The following FHIT variants were observed in gnomAD, a reference collection of about 807,000 sequenced individuals.
FHIT encodes bis(5'-adenosyl)-triphosphatase.
A neutral mutation model predicts 17.9 loss-of-function variants in FHIT; 19 were observed. That is an observed-to-expected ratio of 1.06 (90% CI 0.74 to 1.56). FHIT has a LOEUF of 1.56. Among genes scored for constraint, FHIT ranks in the 40% most tolerant of loss-of-function variants. The pLI is 0.00. For missense variants in FHIT, 248 were observed against 189.2 expected (o/e 1.31, Z -1.82); for synonymous variants, 81 against 69.7 (o/e 1.16, Z -0.81).
chr3:60,644,055 G>A lies in FHIT; in HGVS notation c.-17-107076C>T, dbSNP rs868982098. Among the ~76,000 whole-genome samples the A allele has an allele frequency of 2.0e-5, 3 of 152,162 alleles. No individual in the cohort carries two copies. In the South Asian group the frequency reaches 6.2e-4, roughly 32 times the overall value. On this transcript the variant is annotated intron_variant, in intron 4 of 9. Transcript: ENST00000492590. ...GAAATCCCATGGCTGGTAGAGCTTG[G>A]CAAAGGGAAATGTGTTTCCCTCACA...
chr3:60,567,266 A>T (rs1401886704), intron 4 of FHIT, among the ~76,000 whole-genome samples: 10 of 152,270 alleles, frequency 6.6e-5, no homozygotes, highest in African/African-American at 2.4e-4. Flanking sequence ...ACAGAGATAT[A>T]GATCAATGGA....
At chr3:60,272,875 G>T (rs1253904815) in intron 5 of FHIT, among the ~76,000 whole-genome samples, 1 of 152,172 alleles carries the variant, frequency 6.6e-6, no homozygotes, top group African/African-American at 2.4e-5. Flanking sequence ...ACTAACAAAA[G>T]CAAGTGACTG....
chr3:60,842,645 A>ATTTTTTT (rs1170383044), intron 3 of FHIT, among the ~76,000 whole-genome samples: 19 of 94,588 alleles, frequency 2.0e-4, no homozygotes, highest in Middle Eastern at 6.6e-3. Context: ...ATATATATAT[A>ATTTTTTT]TTTTTTTTTT....
intron 2 of FHIT, among the ~76,000 whole-genome samples, chr3:61,101,353 CAA>C (rs1267939860): frequency 6.6e-6 from 1 of 152,100 alleles, no homozygotes; most frequent in Non-Finnish European, 1.5e-5. Context: ...TCAGGTGTGT[CAA>C]AGATCAGATG....
chr3:60,727,034 G>A (rs1553709761), intron 4 of FHIT, among the ~76,000 whole-genome samples: 1 of 152,022 alleles, frequency 6.6e-6, no homozygotes, highest in African/African-American at 2.4e-5. Flanking sequence ...TCCCAATACA[G>A]AAACATCACT....
At position 60,300,985 on chromosome 3, in the gene FHIT, T is replaced by C. The variant is rs559762256; in HGVS notation, c.103+235875A>G. ...TCCAAACTCATCTCTAAAAAGCAGC[T>C]AGATCATCTTTCAAGCACCCAAAGC... is the stretch of plus-strand genomic sequence containing the variant. On this transcript the variant is annotated intron_variant, in intron 5 of 9. Transcript: ENST00000492590. 3.5e-4 allele frequency among the ~76,000 whole-genome samples: 54 copies of C among 152,134 alleles called. No individual in the cohort carries two copies. In the South Asian group the frequency reaches 5.0e-3, roughly 14 times the overall value.
rs373724284 is a variant in FHIT, at chr3:61,245,645, C to A, written c.-213+5656G>T. 1.2e-4 allele frequency among the ~76,000 whole-genome samples: 19 copies of A among 152,322 alleles called. No homozygotes were observed. The South Asian group carries it at 3.9e-3, about 32-fold the overall frequency. On this transcript the variant is annotated intron_variant, in intron 1 of 9. Transcript: ENST00000492590. ...GCTTATCCCACATCAACTATTACCT[C>A]AGATAAATTCATTATCCATAATGCA...
chr3:60,908,876 G>C (rs782677600), intron 3 of FHIT, among the ~76,000 whole-genome samples: 13 of 152,040 alleles, frequency 8.6e-5, no homozygotes, highest in Non-Finnish European at 1.3e-4. Flanking sequence ...ACATATGAAG[G>C]GTACTTTGTG....
chr3:61,116,346 A>T (rs1337538220), intron 2 of FHIT, among the ~76,000 whole-genome samples: 1 of 152,184 alleles, frequency 6.6e-6, no homozygotes, highest in Non-Finnish European at 1.5e-5. Flanking sequence ...AGCAAAAATG[A>T]TGTGCCACAA....
At chr3:60,425,606 T>C (rs1339866698) in intron 5 of FHIT, among the ~76,000 whole-genome samples, 1 of 152,134 alleles carries the variant, frequency 6.6e-6, no homozygotes, top group Non-Finnish European at 1.5e-5. Context: ...TTTTTCCTTA[T>C]AGAAAATAGT....
At chr3:60,458,680 C>A (rs1395200634) in intron 5 of FHIT, among the ~76,000 whole-genome samples, 16 of 152,138 alleles carry the variant, frequency 1.1e-4, no homozygotes, top group African/African-American at 3.9e-4. Flanking sequence ...GCTTTCTCAA[C>A]ACACCTTGAC....
chr3:61,190,654 C>T (rs1267842881), intron 2 of FHIT, among the ~76,000 whole-genome samples: 8 of 152,232 alleles, frequency 5.3e-5, no homozygotes, highest in South Asian at 4.2e-4. Context: ...TGGCACTATT[C>T]ACAATAGCAA....
chr3:60,813,703 A>T (rs1553736724), intron 4 of FHIT, among the ~76,000 whole-genome samples: 1 of 152,152 alleles, frequency 6.6e-6, no homozygotes, highest in East Asian at 1.9e-4. Context: ...GCGTCTTTTG[A>T]CTCATGATTG....
At chr3:61,060,381 T>C (rs1361807402) in intron 2 of FHIT, among the ~76,000 whole-genome samples, 1 of 152,184 alleles carries the variant, frequency 6.6e-6, no homozygotes, top group Non-Finnish European at 1.5e-5. Flanking sequence ...TACTTTACTA[T>C]AGCTGAACAG....
At chr3:61,237,305 T>A (rs2040256679) in intron 1 of FHIT, among the ~76,000 whole-genome samples, 1 of 152,230 alleles carries the variant, frequency 6.6e-6, no homozygotes, top group Non-Finnish European at 1.5e-5. Context: ...ATTTTTCTGA[T>A]GTTGGACTAA....
chr3:60,845,557 G>A (rs782597789), intron 3 of FHIT, among the ~76,000 whole-genome samples: 35 of 152,072 alleles, frequency 2.3e-4, no homozygotes, highest in Non-Finnish European at 4.1e-4. Context: ...ATAAAATTTA[G>A]ATTTATTTTT....
intron 8 of FHIT, among the ~76,000 whole-genome samples, chr3:59,849,826 T>C (rs993445340): frequency 1.3e-5 from 2 of 152,346 alleles, no homozygotes; most frequent in Admixed American, 6.5e-5. Context: ...ATATGCATTG[T>C]TTCTGCAGTG....
At chr3:60,482,523 T>C (rs2033656835) in intron 5 of FHIT, among the ~76,000 whole-genome samples, 1 of 152,090 alleles carries the variant, frequency 6.6e-6, no homozygotes, top group Non-Finnish European at 1.5e-5. Context: ...ATTAAGAAAC[T>C]CACTCAAAAC....
intron 7 of FHIT, among the ~76,000 whole-genome samples, chr3:59,988,202 T>G (rs567584163): frequency 6.6e-6 from 1 of 152,220 alleles, no homozygotes; most frequent in South Asian, 2.1e-4. Flanking sequence ...TCACCTTCAG[T>G]GCTGAATATT....
Sources: allele counts gnomAD v4.1 joint callset (sites outside exome capture counted in the v4.1 genomes callset), GRCh38; gene constraint gnomAD v4.1.1; transcripts MANE v1.5; gene names NCBI Gene and HGNC (gene_info 2026-07-23, HGNC 2026-07-21).